SARNP: variants seen among roughly 807,000 people sequenced by gnomAD.
SARNP encodes SAP domain-containing ribonucleoprotein.
Under a neutral mutation model 38.1 loss-of-function variants are expected in SARNP, and 5 were observed. The ratio of observed to expected loss-of-function variants is 0.13; its 90% CI spans 0.07 to 0.28. SARNP has a LOEUF of 0.28. SARNP is among the 10% of genes least tolerant of loss of function. The pLI is 1.00. For missense variants in SARNP, 180 were observed against 243.9 expected (o/e 0.74, Z 1.75); for synonymous variants, 84 against 80.6 (o/e 1.04, Z -0.23).
intron 1 of SARNP, among the ~76,000 whole-genome samples, chr12:55,811,479 T>C (rs533099928): frequency 6.6e-6 from 1 of 151,808 alleles, no homozygotes; most frequent in East Asian, 2.0e-4. Flanking sequence ...GGGGCTGAGG[T>C]GGATCACTTG....
chr12:55,752,563 CT>C (rs1284417855), downstream of SARNP: 2 of 152,194 alleles, frequency 1.3e-5, no homozygotes, highest in African/African-American at 4.8e-5. Context: ...GCCAGTGCCC[CT>C]CTGAACATAT....
intron 9 of SARNP, among the ~76,000 whole-genome samples, chr12:55,784,020 T>G (rs1167812606): frequency 6.6e-6 from 1 of 152,132 alleles, no homozygotes; most frequent in East Asian, 1.9e-4. Flanking sequence ...TATACTACAC[T>G]GATCAGTAGC....
chr12:55,797,241 T>G (rs1458390062), intron 4 of SARNP, among the ~76,000 whole-genome samples: 1 of 152,204 alleles, frequency 6.6e-6, no homozygotes, highest in Non-Finnish European at 1.5e-5. Context: ...ACCCTTTTAT[T>G]GGAAATCCCT....
chr12:55,765,370 G>T (rs1010716346), intron 9 of SARNP, among the ~76,000 whole-genome samples: 7 of 152,172 alleles, frequency 4.6e-5, no homozygotes, highest in Admixed American at 2.6e-4. Flanking sequence ...TTTAGAGACA[G>T]GGCCTCACTC....
At chr12:55,758,608 G>A (rs1878583990) in intron 10 of SARNP, among the ~76,000 whole-genome samples, 2 of 151,884 alleles carry the variant, frequency 1.3e-5, no homozygotes, top group African/African-American at 4.8e-5. Flanking sequence ...TCGCACCACT[G>A]CACTCCAGCC....
At chr12:55,776,302 T>A (rs1164883364) in intron 9 of SARNP, among the ~76,000 whole-genome samples, 1 of 152,022 alleles carries the variant, frequency 6.6e-6, no homozygotes, top group Non-Finnish European at 1.5e-5. Context: ...GGTGTGGTGG[T>A]GCATGCCTGT....
At chr12:55,776,381 A>C (rs1225974232) in intron 9 of SARNP, among the ~76,000 whole-genome samples, 1 of 152,172 alleles carries the variant, frequency 6.6e-6, no homozygotes, top group Non-Finnish European at 1.5e-5. Context: ...GCAGTGAGCC[A>C]TGATCTGGGA....
At chr12:55,816,273 T>C (rs1880481014) in intron 1 of SARNP, among the ~76,000 whole-genome samples, 1 of 152,254 alleles carries the variant, frequency 6.6e-6, no homozygotes, top group Non-Finnish European at 1.5e-5. Context: ...CAAAAATTCC[T>C]TTTCTGTGTT....
At chr12:55,767,848 G>GAAAAAA (rs767928003) in intron 9 of SARNP, among the ~76,000 whole-genome samples, 7 of 35,404 alleles carry the variant, frequency 2.0e-4, no homozygotes, top group African/African-American at 6.8e-4. Flanking sequence ...CTCCCTCTCA[G>GAAAAAA]AAAAAAAAAA....
intron 9 of SARNP, among the ~76,000 whole-genome samples, chr12:55,778,275 T>C (rs1190328561): frequency 2.0e-5 from 3 of 151,994 alleles, no homozygotes; most frequent in African/African-American, 7.3e-5. Flanking sequence ...GCCTCCCGAG[T>C]AGTTGGGACT....
intron 1 of SARNP, among the ~76,000 whole-genome samples, chr12:55,813,253 G>A (rs1332034276): frequency 6.6e-6 from 1 of 152,072 alleles, no homozygotes; most frequent in African/African-American, 2.4e-5. Flanking sequence ...ATGTTTAGCT[G>A]ATTTTTTAAG....
At chr12:55,803,779 T>A in intron 1 of SARNP, 51 bp from the exon 2 acceptor site, 2 of 1,200,452 alleles carry the variant, frequency 1.7e-6, no homozygotes, top group Non-Finnish European at 2.4e-6. Context: ...TGAACACCAG[T>A]GAATAAAATG....
chr12:55,786,267 G>C (rs1247439743), intron 9 of SARNP, among the ~76,000 whole-genome samples: 1 of 152,170 alleles, frequency 6.6e-6, no homozygotes, highest in Non-Finnish European at 1.5e-5. Context: ...GTTCAATTTT[G>C]TAAATTCTGA....
intron 9 of SARNP, among the ~76,000 whole-genome samples, chr12:55,764,232 A>G (rs1186070714): frequency 1.3e-5 from 2 of 152,180 alleles, no homozygotes; most frequent in African/African-American, 4.8e-5. Context: ...AGATGTAATA[A>G]AAGAATAAGG....
intron 9 of SARNP, among the ~76,000 whole-genome samples, chr12:55,787,241 TA>T (rs4016515): frequency 4.6e-3 from 470 of 103,236 alleles, no homozygotes; most frequent in Admixed American, 6.9e-3. Flanking sequence ...CAAAAAAGAC[TA>T]AAAAAAAAAA....
downstream of SARNP, chr12:55,755,424 ACAG>A (rs951366468): frequency 1.3e-5 from 2 of 152,196 alleles, no homozygotes; most frequent in African/African-American, 2.4e-5. Flanking sequence ...AGTTCTCCCC[ACAG>A]CTTTTATAGA....
At chr12:55,765,362 T>G (rs1181935130) in intron 9 of SARNP, among the ~76,000 whole-genome samples, 1 of 152,186 alleles carries the variant, frequency 6.6e-6, no homozygotes, top group Non-Finnish European at 1.5e-5. Context: ...CCACGTTTTT[T>G]AGAGACAGGG....
At chr12:55,764,942 T>C (rs1878785239) in intron 9 of SARNP, among the ~76,000 whole-genome samples, 1 of 151,572 alleles carries the variant, frequency 6.6e-6, no homozygotes, top group Non-Finnish European at 1.5e-5. Flanking sequence ...ACCACTAAGA[T>C]AAAGTGAATA....
intron 10 of SARNP, 91 bp from the exon 11 acceptor site, chr12:55,757,644 T>A: frequency 1.0e-6 from 1 of 958,336 alleles, no homozygotes; most frequent in African/African-American, 1.7e-5. Flanking sequence ...ACATGAACTG[T>A]CACAAGGCCC....
Sources: gnomAD v4.1 joint callset for allele counts (sites outside exome capture counted in the v4.1 genomes callset) on GRCh38, gnomAD v4.1.1 for gene constraint, MANE v1.5 for transcripts, NCBI Gene and HGNC (gene_info 2026-07-23, HGNC 2026-07-21) for gene names.